The following SGCZ variants were observed in gnomAD, a reference collection of about 807,000 sequenced individuals.
SGCZ encodes sarcoglycan zeta, also known as zeta-sarcoglycan.
A neutral mutation model predicts 41.3 loss-of-function variants in SGCZ; 40 were observed. The observed-to-expected ratio is 0.97, with a 90% CI of 0.75 to 1.26. The LOEUF is 1.26. SGCZ is among the 50% of genes most tolerant of loss of function. SGCZ has a pLI of 0.00. For missense variants in SGCZ, 552 were observed against 369.8 expected, an observed-to-expected ratio of 1.49 and a Z score of -4.04; for synonymous variants, 206 against 137.5, an observed-to-expected ratio of 1.50 and a Z score of -3.49.
At chr8:14,329,668 T>G (rs960610770) in intron 2 of SGCZ, among the ~76,000 whole-genome samples, 1 of 152,186 alleles carries the variant, frequency 6.6e-6, no homozygotes, top group East Asian at 1.9e-4. Flanking sequence ...TACTATGCTT[T>G]CTAAATAATC....
intron 1 of SGCZ, among the ~76,000 whole-genome samples, chr8:15,161,825 A>T (rs1799519485): frequency 6.6e-6 from 1 of 152,186 alleles, no homozygotes; most frequent in Non-Finnish European, 1.5e-5. Flanking sequence ...ACTTGAGGCC[A>T]GGAGTTCAAG....
At chr8:14,728,259 G>T (rs1185528465) in intron 1 of SGCZ, among the ~76,000 whole-genome samples, 1 of 150,712 alleles carries the variant, frequency 6.6e-6, no homozygotes. Context: ...GGACTTAATT[G>T]TTGAAAAAGC....
At chr8:14,287,435 T>C (rs1800679263) in intron 3 of SGCZ, among the ~76,000 whole-genome samples, 1 of 144,008 alleles carries the variant, frequency 6.9e-6, no homozygotes, top group South Asian at 2.3e-4. Flanking sequence ...TACCGATTTC[T>C]GTCTGGTGGA....
intron 2 of SGCZ, among the ~76,000 whole-genome samples, chr8:14,458,527 G>C (rs996586301): frequency 6.6e-6 from 1 of 152,124 alleles, no homozygotes; most frequent in Non-Finnish European, 1.5e-5. Flanking sequence ...AAAAGGGAAA[G>C]TCAAAAGAAA....
intron 1 of SGCZ, among the ~76,000 whole-genome samples, chr8:14,854,396 C>T (rs1803469251): frequency 6.6e-6 from 1 of 151,956 alleles, no homozygotes; most frequent in Non-Finnish European, 1.5e-5. Context: ...TTAGACTCAA[C>T]ATTGTTCCAC....
chr8:14,974,666 C>T (rs967895811), intron 1 of SGCZ, among the ~76,000 whole-genome samples: 6 of 152,166 alleles, frequency 3.9e-5, no homozygotes, highest in South Asian at 2.1e-4. Context: ...ATGTGAGAAC[C>T]GCTGCACTGA....
At chr8:14,150,698 G>A (rs2116950415) in intron 5 of SGCZ, among the ~76,000 whole-genome samples, 1 of 152,222 alleles carries the variant, frequency 6.6e-6, no homozygotes, top group East Asian at 1.9e-4. Flanking sequence ...AGAGAAAACG[G>A]TGTATCAAAG....
chr8:15,237,214 T>C (rs1244710117), intron 1 of SGCZ, among the ~76,000 whole-genome samples: 4 of 151,090 alleles, frequency 2.6e-5, no homozygotes, highest in Non-Finnish European at 5.9e-5. Context: ...ACAACTTTGC[T>C]GGGAAAGCAG....
At chr8:14,573,355 G>A (rs1205981457) in intron 1 of SGCZ, among the ~76,000 whole-genome samples, 3 of 143,342 alleles carry the variant, frequency 2.1e-5, no homozygotes, top group Non-Finnish European at 4.8e-5. Context: ...CCTCCATCGC[G>A]CCCGGCTAAA....
At chr8:14,304,299 A>T (rs903328416) in intron 3 of SGCZ, among the ~76,000 whole-genome samples, 8 of 151,922 alleles carry the variant, frequency 5.3e-5, no homozygotes, top group Non-Finnish European at 1.0e-4. Context: ...AGAAAATTTT[A>T]AAAAATTAAA....
intron 1 of SGCZ, among the ~76,000 whole-genome samples, chr8:14,989,906 G>T (rs1466601775): frequency 6.6e-6 from 1 of 152,212 alleles, no homozygotes; most frequent in Non-Finnish European, 1.5e-5. Flanking sequence ...ACAGAGACAA[G>T]TGAACTGTCC....
chr8:14,321,493 T>C lies in SGCZ; in HGVS notation c.336+2610A>G, dbSNP rs528701171. 2.0e-5 allele frequency among the ~76,000 whole-genome samples: 3 copies of C among 152,028 alleles called. No homozygotes were observed. In the South Asian group the frequency reaches 6.2e-4, roughly 32 times the overall value. ...GACTGCATCTTCTGTTCAATAGACA[T>C]CTCTTTATTATCTTTCCATGTGTAG... is the stretch of plus-strand genomic sequence containing the variant. On this transcript the variant is annotated intron_variant, in intron 3 of 7. Transcript: ENST00000382080.
chr8:15,000,060 C>G (rs572545702), intron 1 of SGCZ, among the ~76,000 whole-genome samples: 14 of 152,198 alleles, frequency 9.2e-5, no homozygotes, highest in African/African-American at 3.4e-4. Context: ...GGGGTGAGCC[C>G]TAATTCAACC....
At chr8:15,236,679 AT>A (rs1318851609) in intron 1 of SGCZ, among the ~76,000 whole-genome samples, 3 of 57,582 alleles carry the variant, frequency 5.2e-5, no homozygotes, top group Non-Finnish European at 1.4e-4. Context: ...AAATATATAT[AT>A]TTTTTTTTCT....
chr8:15,053,665 T>C (rs1804601713), intron 1 of SGCZ, among the ~76,000 whole-genome samples: 1 of 152,106 alleles, frequency 6.6e-6, no homozygotes, highest in Admixed American at 6.6e-5. Flanking sequence ...CACTTTTCTT[T>C]ATTTGGGGGG....
At chr8:14,285,458 T>C (rs546429008) in intron 3 of SGCZ, among the ~76,000 whole-genome samples, 40 of 152,214 alleles carry the variant, frequency 2.6e-4, no homozygotes, top group Middle Eastern at 3.4e-3. Context: ...TGAAGCTTCT[T>C]AGTACTCTAC....
chr8:14,289,778 G>T (rs572179248), intron 3 of SGCZ, among the ~76,000 whole-genome samples: 33 of 151,114 alleles, frequency 2.2e-4, no homozygotes, highest in African/African-American at 7.3e-4. Flanking sequence ...AACTGTATTA[G>T]TCCATTTCCA....
intron 1 of SGCZ, among the ~76,000 whole-genome samples, chr8:14,591,973 A>C (rs1033978789): frequency 3.3e-5 from 5 of 152,166 alleles, no homozygotes; most frequent in Admixed American, 3.3e-4. Context: ...TGATGCCAGC[A>C]ATAGTAAACA....
intron 2 of SGCZ, among the ~76,000 whole-genome samples, chr8:14,481,258 T>C (rs1353543176): frequency 6.6e-6 from 1 of 152,174 alleles, no homozygotes; most frequent in Non-Finnish European, 1.5e-5. Context: ...CATTTTACAC[T>C]AGCCAGTGTG....
Sources: allele counts gnomAD v4.1 joint callset (sites outside exome capture counted in the v4.1 genomes callset), GRCh38; gene constraint gnomAD v4.1.1; transcripts MANE v1.5; gene names NCBI Gene and HGNC (gene_info 2026-07-23, HGNC 2026-07-21).